The following OR10J1 variants were observed in gnomAD, a reference collection of about 807,000 sequenced individuals.
OR10J1 encodes olfactory receptor family 10 subfamily J member 1, also known as olfactory receptor 10J1.
For synonymous variants in OR10J1, 202 were observed against 143.8 expected (o/e 1.40, Z -2.89); for missense variants, 474 against 376.6 (o/e 1.26, Z -2.14).
chr1:159,419,374 G>A, the OR10J1 span, among the ~76,000 whole-genome samples: 1 of 152,144 alleles, frequency 6.6e-6, no homozygotes, highest in Non-Finnish European at 1.5e-5. Flanking sequence ...TGCTGTTCTT[G>A]TGATAGTGAA....
At chr1:159,399,050 AC>A in the OR10J1 span, among the ~76,000 whole-genome samples, 1 of 152,124 alleles carries the variant, frequency 6.6e-6, no homozygotes, top group Admixed American at 6.6e-5. Context: ...GAGAAAAAAA[AC>A]AAATAACATA....
chr1:159,402,706 A>T, the OR10J1 span, among the ~76,000 whole-genome samples: 1 of 152,140 alleles, frequency 6.6e-6, no homozygotes, highest in South Asian at 2.1e-4. Flanking sequence ...TACAGATTCA[A>T]TGCAATCCCT....
the OR10J1 span, among the ~76,000 whole-genome samples, chr1:159,425,798 C>T: frequency 6.6e-6 from 1 of 151,892 alleles, no homozygotes; most frequent in Non-Finnish European, 1.5e-5. Context: ...AGAGAGAATG[C>T]CTAACATTTA....
chr1:159,432,990 C>T, upstream of OR10J1: 1 of 434,142 alleles, frequency 2.3e-6, no homozygotes. Flanking sequence ...TACCTAAAAC[C>T]CAAATCCCAA....
chr1:159,408,775 A>C, the OR10J1 span, among the ~76,000 whole-genome samples: 131 of 152,218 alleles, frequency 8.6e-4, no homozygotes, highest in Non-Finnish European at 1.4e-3. Flanking sequence ...TAAATCATTG[A>C]GCAAGGTGAC....
At chr1:159,403,530 T>C in the OR10J1 span, among the ~76,000 whole-genome samples, 2 of 152,166 alleles carry the variant, frequency 1.3e-5, no homozygotes, top group African/African-American at 4.8e-5. Flanking sequence ...ACGTCATTGA[T>C]CATCAGAGAA....
At chr1:159,407,515 T>C in the OR10J1 span, among the ~76,000 whole-genome samples, 2 of 152,066 alleles carry the variant, frequency 1.3e-5, no homozygotes, top group Non-Finnish European at 2.9e-5. Flanking sequence ...ATCTGAAACA[T>C]TCCATCAGCA....
the OR10J1 span, among the ~76,000 whole-genome samples, chr1:159,427,677 CA>C: frequency 6.6e-6 from 1 of 151,904 alleles, no homozygotes; most frequent in Non-Finnish European, 1.5e-5. Flanking sequence ...AACAAAGACA[CA>C]AAAAACAACA....
upstream of OR10J1, among the ~76,000 whole-genome samples, chr1:159,433,754 G>A (rs528718446): frequency 9.2e-5 from 14 of 152,190 alleles, no homozygotes; most frequent in South Asian, 2.1e-4. Flanking sequence ...CTGCTTCTGC[G>A]GAACCTGACC....
the OR10J1 span, among the ~76,000 whole-genome samples, chr1:159,413,944 G>A: frequency 6.6e-6 from 1 of 151,718 alleles, no homozygotes; most frequent in Non-Finnish European, 1.5e-5. Context: ...CTTATTTAAT[G>A]GGTTTTTTAG....
chr1:159,427,918 AC>A, the OR10J1 span, among the ~76,000 whole-genome samples: 1 of 152,136 alleles, frequency 6.6e-6, no homozygotes, highest in East Asian at 1.9e-4. Flanking sequence ...AATGTAATTC[AC>A]CCCTAACAAC....
At chr1:159,408,473 G>A in the OR10J1 span, among the ~76,000 whole-genome samples, 1 of 149,264 alleles carries the variant, frequency 6.7e-6, no homozygotes, top group Non-Finnish European at 1.5e-5. Flanking sequence ...TGGGGGATGG[G>A]GGGAGGGGGG....
At chr1:159,407,753 A>C in the OR10J1 span, among the ~76,000 whole-genome samples, 3 of 152,168 alleles carry the variant, frequency 2.0e-5, no homozygotes, top group Admixed American at 1.3e-4. Context: ...GAAGAGCATT[A>C]CTTAATTTAT....
chr1:159,439,527 T>C (rs1410477595), upstream of OR10J1, among the ~76,000 whole-genome samples: 1 of 152,066 alleles, frequency 6.6e-6, no homozygotes, highest in African/African-American at 2.4e-5. Context: ...AGATATGAAG[T>C]AGGAGCATGT....
chr1:159,425,976 T>G, the OR10J1 span, among the ~76,000 whole-genome samples: 1 of 152,042 alleles, frequency 6.6e-6, no homozygotes, highest in African/African-American at 2.4e-5. Context: ...ATTTCACATC[T>G]TAAATTCTAT....
rs1417544531 is a variant in OR10J1, at chr1:159,439,918, A to G, written c.127A>G (p.Ile43Val). The G allele has an allele frequency of 6.2e-7, 1 of 1,614,106 alleles. No homozygotes were observed. The highest frequency in any genetic ancestry group is 1.7e-5 in the Admixed American group (1 of 59,998). ...ALYILTLAGN[I>V]IIVTIIRMDL... Reference sequence around the variant, plus strand: ...ATACATCTTAACCTTAGCAGGCAATATCATCATTGTGACCATCATCCGAAT... The same window carrying G: ...ATACATCTTAACCTTAGCAGGCAATGTCATCATTGTGACCATCATCCGAAT... Residue 43 changes from isoleucine to valine, a missense_variant, in exon 1 of 1, where the codon ATC becomes GTC. By Grantham distance (29) the Ile-to-Val change is conservative. Coordinates refer to ENST00000423932, the MANE Select transcript of OR10J1 (RefSeq NM_012351.3).
chr1:159,433,613 G>A (rs1300688571), upstream of OR10J1, among the ~76,000 whole-genome samples: 1 of 152,124 alleles, frequency 6.6e-6, no homozygotes, highest in Non-Finnish European at 1.5e-5. Context: ...ATTAGATCAG[G>A]CTGAAGTTAT....
chr1:159,406,379 T>C, the OR10J1 span: 2 of 413,798 alleles, frequency 4.8e-6, no homozygotes, highest in Non-Finnish European at 9.7e-6. Flanking sequence ...GAAGAATGTC[T>C]AAATCTGAAG....
the OR10J1 span, among the ~76,000 whole-genome samples, chr1:159,423,203 G>C: frequency 1.3e-5 from 2 of 152,094 alleles, no homozygotes; most frequent in South Asian, 4.1e-4. Context: ...TTCTCCTACA[G>C]GTGATGACAA....
Sources: allele counts gnomAD v4.1 joint callset (sites outside exome capture counted in the v4.1 genomes callset), GRCh38; gene constraint gnomAD v4.1.1; transcripts MANE v1.5; gene names NCBI Gene and HGNC (gene_info 2026-07-23, HGNC 2026-07-21).